ULK4: variants seen among roughly 807,000 people sequenced by gnomAD.
The protein encoded by ULK4 is unc-51 like kinase 4, also known as inactive serine/threonine-protein kinase ULK4.
In ULK4, 133 loss-of-function variants were observed where a neutral mutation model predicts 160.6. The observed-to-expected ratio is 0.83, with a 90% CI of 0.72 to 0.96. The LOEUF is 0.96. Ranked by LOEUF, ULK4 falls within the 40% of genes least tolerant of loss-of-function variation. The pLI, the probability that ULK4 is intolerant of heterozygous loss-of-function variation, is 0.00. For missense variants in ULK4, 1,580 were observed against 1,499.5 expected (o/e 1.05, Z -0.89); for synonymous variants, 534 against 539.8 (o/e 0.99, Z 0.15).
chr3:41,858,977 C>A (rs1447452820), intron 17 of ULK4, among the ~76,000 whole-genome samples: 1 of 152,170 alleles, frequency 6.6e-6, no homozygotes, highest in Non-Finnish European at 1.5e-5. Flanking sequence ...TGTCTTGCAG[C>A]AGTTTCTAAA....
At chr3:41,447,083 CAAAAAAA>C (rs756911141) in intron 34 of ULK4, among the ~76,000 whole-genome samples, 1 of 53,672 alleles carries the variant, frequency 1.9e-5, no homozygotes, top group Non-Finnish European at 3.1e-5. Flanking sequence ...GACTCTGTCT[CAAAAAAA>C]AAAAAAAAAA....
intron 32 of ULK4, among the ~76,000 whole-genome samples, chr3:41,554,262 C>T (rs143745794): frequency 2.2e-4 from 34 of 152,180 alleles, no homozygotes; most frequent in African/African-American, 7.5e-4. Flanking sequence ...ATAGCCAAGA[C>T]GTGGAATCAA....
intron 30 of ULK4, among the ~76,000 whole-genome samples, chr3:41,644,135 C>A (rs547173214): frequency 3.3e-4 from 50 of 152,308 alleles, no homozygotes; most frequent in Admixed American, 7.8e-4. Context: ...ATGTCGTCTG[C>A]AAACAGGGAC....
chr3:41,249,250 CTT>C (rs1312697749), intron 36 of ULK4, among the ~76,000 whole-genome samples: 1 of 152,196 alleles, frequency 6.6e-6, no homozygotes, highest in Non-Finnish European at 1.5e-5. Flanking sequence ...AGGACTAAGA[CTT>C]TCTCTCCCCC....
intron 32 of ULK4, among the ~76,000 whole-genome samples, chr3:41,560,346 G>C (rs905671551): frequency 7.2e-5 from 11 of 152,148 alleles, no homozygotes. Context: ...GGCAATGCGG[G>C]CTCTTTTTTG....
intron 30 of ULK4, among the ~76,000 whole-genome samples, chr3:41,633,777 G>A (rs973448637): frequency 6.6e-6 from 1 of 152,080 alleles, no homozygotes; most frequent in African/African-American, 2.4e-5. Flanking sequence ...CTGAATGCAT[G>A]AGGGGAGAGA....
chr3:41,687,431 T>C (rs1183366329), intron 27 of ULK4, among the ~76,000 whole-genome samples: 1 of 152,106 alleles, frequency 6.6e-6, no homozygotes, highest in Admixed American at 6.5e-5. Flanking sequence ...ATCATCATTC[T>C]GAGAATGCAT....
At position 41,905,130 on chromosome 3, in the gene ULK4, A is replaced by G. The variant is rs546385463; in HGVS notation, c.1182+2715T>C. On this transcript the variant is annotated intron_variant, in intron 12 of 36. Transcript: ENST00000301831. ...GTAATCAAGAGTGTGCCACTGGTAT[A>G]AGGACAGATGAATAGATAACAGAAC... Among the ~76,000 whole-genome samples, 4 of 152,312 alleles carry G rather than the reference A, an allele frequency of 2.6e-5. No individual in the cohort carries two copies. The East Asian group carries it at 7.7e-4, about 29-fold the overall frequency.
At chr3:41,630,034 C>T (rs2033682297) in intron 30 of ULK4, among the ~76,000 whole-genome samples, 2 of 152,136 alleles carry the variant, frequency 1.3e-5, no homozygotes, top group African/African-American at 4.8e-5. Flanking sequence ...GCCTACGTAA[C>T]CAGAGAGACC....
chr3:41,752,764 C>T (rs184538217), intron 22 of ULK4, among the ~76,000 whole-genome samples: 6 of 152,244 alleles, frequency 3.9e-5, no homozygotes, highest in African/African-American at 1.2e-4. Flanking sequence ...AAAACATTTG[C>T]AACTGATTTA....
chr3:41,512,323 G>T (rs9852697), intron 32 of ULK4, among the ~76,000 whole-genome samples: 38,906 of 152,046 alleles, frequency 0.26, 5,222 homozygotes, highest in African/African-American at 0.31. Context: ...CATTGGCAAA[G>T]ATAAAGTCAA....
At chr3:41,586,975 T>G (rs988159351) in intron 31 of ULK4, among the ~76,000 whole-genome samples, 1 of 152,152 alleles carries the variant, frequency 6.6e-6, no homozygotes, top group Non-Finnish European at 1.5e-5. Context: ...TTAGTTTCTG[T>G]AGGTCAGAAT....
Position 41,685,813 on chromosome 3 carries a change from C to T in ULK4, c.2782-4009G>A, listed in dbSNP as rs148054772. Among the ~76,000 whole-genome samples, 81 of 152,114 alleles carry T rather than the reference C, an allele frequency of 5.3e-4. No individual in the cohort carries two copies. In the East Asian group the frequency reaches 0.014, roughly 26 times the overall value. ...TCTCTCATGATGCTTCCTTTATGCCCGGGCATAAGCTCCAGTGAAGCCTTG... is the reference window on the plus strand; with the variant it reads ...TCTCTCATGATGCTTCCTTTATGCCTGGGCATAAGCTCCAGTGAAGCCTTG... On this transcript the variant is annotated intron_variant, in intron 27 of 36. Coordinates refer to ENST00000301831, the MANE Select transcript of ULK4 (RefSeq NM_017886.4).
At chr3:41,727,679 G>A (rs541216852) in intron 22 of ULK4, among the ~76,000 whole-genome samples, 17 of 152,218 alleles carry the variant, frequency 1.1e-4, no homozygotes, top group Non-Finnish European at 2.2e-4. Flanking sequence ...TGTATGCCAT[G>A]GTAAGAAGCT....
chr3:41,741,727 AGCTCTGCTAAGTACTATC>A lies in ULK4; in HGVS notation c.2321+12616_2321+12633del, dbSNP rs543467731. The stretch of plus-strand genomic sequence containing the variant: ...GTATTTAAAAGTCACTGTGAAAAGT[AGCTCTGCTAAGTACTATC>A]CCACCAACTCTATAAGTGACTTTGG... On this transcript the variant is annotated intron_variant, in intron 22 of 36. Coordinates refer to ENST00000301831, the MANE Select transcript of ULK4 (RefSeq NM_017886.4). Among the ~76,000 whole-genome samples the A allele has an allele frequency of 2.0e-5, 3 of 152,082 alleles. No individual in the cohort carries two copies. The East Asian group carries it at 5.8e-4, about 29-fold the overall frequency.
intron 29 of ULK4, among the ~76,000 whole-genome samples, chr3:41,664,145 G>A (rs2125764014): frequency 6.6e-6 from 1 of 152,232 alleles, no homozygotes; most frequent in East Asian, 1.9e-4. Context: ...TATTGCTGTT[G>A]GGAAGATTCA....
chr3:41,675,130 C>G (rs1022334772), intron 29 of ULK4, among the ~76,000 whole-genome samples: 1 of 151,930 alleles, frequency 6.6e-6, no homozygotes, highest in Non-Finnish European at 1.5e-5. Flanking sequence ...GTCCCAGCCA[C>G]TCGGGAGGCT....
intron 35 of ULK4, among the ~76,000 whole-genome samples, chr3:41,344,736 G>A (rs1410435481): frequency 8.2e-6 from 1 of 122,642 alleles, no homozygotes; most frequent in Admixed American, 9.9e-5. Context: ...CTGGGTAACA[G>A]AGCAAGACTC....
At chr3:41,511,054 T>G (rs1370636860) in intron 32 of ULK4, among the ~76,000 whole-genome samples, 1 of 150,694 alleles carries the variant, frequency 6.6e-6, no homozygotes, top group African/African-American at 2.4e-5. Flanking sequence ...TCCCAGCTAC[T>G]CGGGAGGCTG....
Sources: gnomAD v4.1 joint callset for allele counts (sites outside exome capture counted in the v4.1 genomes callset) on GRCh38, gnomAD v4.1.1 for gene constraint, MANE v1.5 for transcripts, NCBI Gene and HGNC (gene_info 2026-07-23, HGNC 2026-07-21) for gene names.